The following ZNF566 variants were observed in gnomAD, a reference collection of about 807,000 sequenced individuals.
The protein encoded by ZNF566 is zinc finger protein 566.
Under a neutral mutation model 32.8 loss-of-function variants are expected in ZNF566, and 27 were observed. The observed-to-expected ratio is 0.82, with a 90% CI of 0.61 to 1.14. The LOEUF (loss-of-function observed/expected upper bound fraction) is 1.14. ZNF566 is among the 50% of genes most tolerant of loss of function. The probability of loss-of-function intolerance (pLI) is 0.00; values close to 1 mark genes in which losing one functional copy is unlikely to be tolerated. For missense variants in ZNF566, 402 were observed against 490.4 expected (o/e 0.82, Z 1.70); for synonymous variants, 154 against 159.5 (o/e 0.97, Z 0.26).
At chr19:36,452,006 CA>C (rs1043508694) in intron 4 of ZNF566, among the ~76,000 whole-genome samples, 1 of 148,108 alleles carries the variant, frequency 6.8e-6, no homozygotes, top group South Asian at 2.1e-4. Flanking sequence ...GACTCCATCT[CA>C]AAAAAAACAA....
At chr19:36,487,262 G>C (rs1317004850) in intron 1 of ZNF566, among the ~76,000 whole-genome samples, 31 of 152,200 alleles carry the variant, frequency 2.0e-4, no homozygotes, top group Non-Finnish European at 2.9e-5. Flanking sequence ...GTGTAAACTG[G>C]AACAACCACA....
intron 1 of ZNF566, among the ~76,000 whole-genome samples, chr19:36,486,671 CA>C (rs759281599): frequency 0.34 from 27,224 of 80,694 alleles, 1,836 homozygotes; most frequent in Non-Finnish European, 0.41. Flanking sequence ...AACTCTGTCT[CA>C]AAAAAAAAAA....
At chr19:36,480,637 C>T (rs1437466069) in intron 1 of ZNF566, among the ~76,000 whole-genome samples, 4 of 112,238 alleles carry the variant, frequency 3.6e-5, no homozygotes, top group Non-Finnish European at 8.3e-5. Context: ...AGTGCTGAAA[C>T]AACTAGGCAC....
At chr19:36,488,392 G>A (rs1175349830) in intron 1 of ZNF566, among the ~76,000 whole-genome samples, 4 of 152,150 alleles carry the variant, frequency 2.6e-5, no homozygotes, top group Non-Finnish European at 5.9e-5. Flanking sequence ...TCCACACTTG[G>A]CCTACAAAAA....
chr19:36,452,478 T>C (rs1479759234), intron 4 of ZNF566, among the ~76,000 whole-genome samples: 1 of 150,992 alleles, frequency 6.6e-6, no homozygotes, highest in Non-Finnish European at 1.5e-5. Context: ...TGTATGACAC[T>C]AGTAGGTACT....
At chr19:36,482,467 A>G (rs781731352) in intron 1 of ZNF566, among the ~76,000 whole-genome samples, 1 of 152,166 alleles carries the variant, frequency 6.6e-6, no homozygotes, top group Non-Finnish European at 1.5e-5. Flanking sequence ...GGGAACCCAA[A>G]ATGCAACAAA....
chr19:36,463,495 TATC>T (rs2033531736), intron 4 of ZNF566, among the ~76,000 whole-genome samples: 2 of 150,852 alleles, frequency 1.3e-5, no homozygotes, highest in Non-Finnish European at 3.0e-5. Flanking sequence ...GTAATAAAGA[TATC>T]AGTTACTACT....
At chr19:36,475,366 A>G (rs1048944089) in intron 2 of ZNF566, among the ~76,000 whole-genome samples, 6 of 152,160 alleles carry the variant, frequency 3.9e-5, no homozygotes, top group Admixed American at 2.0e-4. Context: ...ATGGATGCTT[A>G]GTGAGGTGTG....
intron 1 of ZNF566, among the ~76,000 whole-genome samples, chr19:36,486,970 A>G (rs2034178947): frequency 1.3e-5 from 2 of 151,162 alleles, no homozygotes; most frequent in Admixed American, 6.6e-5. Flanking sequence ...CGCACCTGTA[A>G]TCCCAGCTAC....
chr19:36,452,857 C>T (rs2033192044), intron 4 of ZNF566, among the ~76,000 whole-genome samples: 1 of 152,128 alleles, frequency 6.6e-6, no homozygotes, highest in East Asian at 1.9e-4. Flanking sequence ...CGGTGGCTCA[C>T]ACCTGTAATC....
intron 2 of ZNF566, among the ~76,000 whole-genome samples, chr19:36,475,790 A>T (rs1245107186): frequency 6.6e-6 from 1 of 152,112 alleles, no homozygotes; most frequent in Non-Finnish European, 1.5e-5. Context: ...GACCCTGGAA[A>T]CCAGTGTAAA....
rs889743788 is a variant in ZNF566 at position 36,447,301 on chromosome 19, G to A, written c.*1676C>T. Reference sequence around the variant, plus strand: ...CAAAGTGCTGGGATTACAGGCGTGAGCCAAGATGTGTACTTCTATATAACT... The same window carrying A: ...CAAAGTGCTGGGATTACAGGCGTGAACCAAGATGTGTACTTCTATATAACT... On this transcript the variant is annotated 3_prime_UTR_variant, in exon 5 of 5. Transcript: ENST00000452939. The A allele has an allele frequency of 1.3e-5, 2 of 152,172 alleles. No individual in the cohort carries two copies. The highest frequency in any genetic ancestry group is 1.3e-4 in the Admixed American group (2 of 15,274). The allele number at this position is 152,172 out of a possible 1,614,324, so 9.4% of individuals were successfully genotyped here. A position where few individuals can be genotyped will look rare whatever the true frequency, so the allele number is the denominator to read the frequency against.
intron 4 of ZNF566, 135 bp from the exon 5 acceptor site, chr19:36,450,136 C>A: frequency 1.4e-6 from 1 of 701,066 alleles, no homozygotes; most frequent in Non-Finnish European, 2.3e-6. Flanking sequence ...AGACAGGTTA[C>A]ATAATAAGAT....
intron 4 of ZNF566, among the ~76,000 whole-genome samples, chr19:36,450,994 T>C (rs2033143510): frequency 6.6e-6 from 1 of 152,240 alleles, no homozygotes; most frequent in Non-Finnish European, 1.5e-5. Flanking sequence ...TTTTAAAATT[T>C]CAAATAATTT....
At chr19:36,459,307 T>G (rs2033397935) in intron 4 of ZNF566, among the ~76,000 whole-genome samples, 1 of 151,602 alleles carries the variant, frequency 6.6e-6, no homozygotes, top group Non-Finnish European at 1.5e-5. Flanking sequence ...GGAAAGAGGT[T>G]TTTGTTTTGT....
chr19:36,482,847 C>T (rs1296915258), intron 1 of ZNF566, among the ~76,000 whole-genome samples: 2 of 152,124 alleles, frequency 1.3e-5, no homozygotes, highest in Non-Finnish European at 2.9e-5. Flanking sequence ...TGTTTTTGTT[C>T]TGCACTATTT....
chr19:36,488,828 G>C (rs2034236203), intron 1 of ZNF566, among the ~76,000 whole-genome samples: 1 of 152,138 alleles, frequency 6.6e-6, no homozygotes, highest in South Asian at 2.1e-4. Context: ...ATAATGCCTA[G>C]AGAAGTATAC....
In ZNF566 at chr19:36,447,764, C is replaced by A. The variant is rs2033032872; in HGVS notation, c.*1213G>T. ...TTATTCACAGTACTTTCCCCCCCAA[C>A]ACCTAGGATTATTTCATGTTCAATA... On this transcript the variant is annotated 3_prime_UTR_variant, in exon 5 of 5. Transcript: ENST00000452939. 6.6e-6 allele frequency: 1 copy of A among 152,104 alleles called. No individual in the cohort carries two copies. The highest frequency in any genetic ancestry group is 1.5e-5 in the Non-Finnish European group (1 of 68,018). The allele number at this position is 152,104 out of a possible 1,614,324, so 9.4% of individuals were successfully genotyped here. A position where few individuals can be genotyped will look rare whatever the true frequency, so the allele number is the denominator to read the frequency against.
chr19:36,466,154 T>G (rs1372728243), intron 4 of ZNF566, among the ~76,000 whole-genome samples: 1 of 152,024 alleles, frequency 6.6e-6, no homozygotes, highest in Non-Finnish European at 1.5e-5. Context: ...CAGTAAAAAT[T>G]TAGCCTATTA....
Sources: allele counts gnomAD v4.1 joint callset (sites outside exome capture counted in the v4.1 genomes callset), GRCh38; gene constraint gnomAD v4.1.1; transcripts MANE v1.5; gene names NCBI Gene and HGNC (gene_info 2026-07-23, HGNC 2026-07-21).